FOXP2: variants seen among roughly 807,000 people sequenced by gnomAD.
FOXP2 encodes forkhead box protein P2.
A neutral mutation model predicts 115.8 loss-of-function variants in FOXP2; 12 were observed. The ratio of observed to expected loss-of-function variants is 0.10; its 90% CI spans 0.07 to 0.17. The LOEUF (loss-of-function observed/expected upper bound fraction) is 0.17. FOXP2 is among the 10% of genes least tolerant of loss of function. The probability of loss-of-function intolerance (pLI) is 1.00; values close to 1 mark genes in which losing one functional copy is unlikely to be tolerated. For synonymous variants in FOXP2, 328 were observed against 297.7 expected, an observed-to-expected ratio of 1.10 and a Z score of -1.05; for missense variants, 629 against 843.5, an observed-to-expected ratio of 0.75 and a Z score of 3.15.
At position 114,145,554 on chromosome 7, in the gene FOXP2, C is replaced by G. The variant is rs974330676; in HGVS notation, c.-246-17390C>G. On this transcript the variant is annotated intron_variant, in intron 1 of 19. Transcript: ENST00000635638. ...CCCAAGCTGGAGTGCAGGGTGTGAT[C>G]TCGGCTCACTGCAACCTCCACCTCC... Among the ~76,000 whole-genome samples, 8 of 147,738 alleles carry G rather than the reference C, an allele frequency of 5.4e-5. No individual in the cohort carries two copies. In the Admixed American group the frequency reaches 5.5e-4, roughly 10 times the overall value.
At chr7:114,656,490 A>C (rs881732) in intron 10 of FOXP2, 168,353 of 450,124 alleles carry the variant, frequency 0.37, 34,359 homozygotes, top group Non-Finnish European at 0.46. Flanking sequence ...TGCGTTTCTC[A>C]AACTATGCAG....
intron 2 of FOXP2, among the ~76,000 whole-genome samples, chr7:114,515,544 T>C (rs1285942144): frequency 2.1e-4 from 32 of 152,270 alleles, no homozygotes; most frequent in East Asian, 7.7e-4. Flanking sequence ...TCATGTCCTT[T>C]GCCCACTTTT....
chr7:114,367,069 T>A (rs1399748795), intron 2 of FOXP2, among the ~76,000 whole-genome samples: 1 of 152,194 alleles, frequency 6.6e-6, no homozygotes, highest in African/African-American at 2.4e-5. Flanking sequence ...AATATGTATG[T>A]TTCTGTGTGT....
intron 6 of FOXP2, among the ~76,000 whole-genome samples, chr7:114,634,201 G>A (rs900349358): frequency 5.3e-5 from 8 of 151,994 alleles, no homozygotes; most frequent in Non-Finnish European, 1.2e-4. Flanking sequence ...TCACCATGTT[G>A]ACCAGGCTGG....
At chr7:114,642,779 A>ATAAT (rs1491273950) in intron 7 of FOXP2, among the ~76,000 whole-genome samples, 156 bp downstream of exon 7, 1 of 91,174 alleles carries the variant, frequency 1.1e-5, no homozygotes, top group African/African-American at 4.9e-5. Context: ...TTTTATATAT[A>ATAAT]ATATATATAT....
intron 1 of FOXP2, among the ~76,000 whole-genome samples, chr7:114,285,949 T>G (rs908230419): frequency 1.3e-5 from 2 of 152,056 alleles, no homozygotes; most frequent in African/African-American, 4.8e-5. Flanking sequence ...GCAAAATCAA[T>G]TAATTTTATG....
intron 2 of FOXP2, chr7:114,366,702 G>A (rs1161421246): frequency 1.3e-5 from 2 of 152,146 alleles, no homozygotes; most frequent in African/African-American, 4.8e-5. Flanking sequence ...TCAGTTGATA[G>A]ACTTTTAAGC....
At chr7:114,565,485 T>G (rs1183830709) in intron 3 of FOXP2, among the ~76,000 whole-genome samples, 1 of 152,168 alleles carries the variant, frequency 6.6e-6, no homozygotes, top group African/African-American at 2.4e-5. Context: ...TGCATATCCC[T>G]GGACGCTATA....
intron 3 of FOXP2, among the ~76,000 whole-genome samples, chr7:114,597,012 G>C (rs1802753132): frequency 6.6e-6 from 1 of 151,938 alleles, no homozygotes; most frequent in South Asian, 2.1e-4. Flanking sequence ...AAATAATTCA[G>C]AATTATTATA....
At chr7:114,255,948 G>A (rs1164155033) in intron 1 of FOXP2, among the ~76,000 whole-genome samples, 5 of 152,116 alleles carry the variant, frequency 3.3e-5, no homozygotes, top group African/African-American at 7.2e-5. Flanking sequence ...CCGGTTCTAG[G>A]TCTTTGAGGA....
At chr7:114,245,177 C>T (rs370012641) in intron 1 of FOXP2, among the ~76,000 whole-genome samples, 2 of 152,244 alleles carry the variant, frequency 1.3e-5, no homozygotes, top group African/African-American at 4.8e-5. Context: ...TTTAAGATTT[C>T]TTGCCTTTAT....
intron 4 of FOXP2, 53 bp from the exon 5 acceptor site, chr7:114,629,752 A>G (rs1209134287): frequency 6.2e-7 from 1 of 1,612,130 alleles, no homozygotes; most frequent in Non-Finnish European, 8.5e-7. Flanking sequence ...TAGGAGATTT[A>G]TAATACGTGA....
intron 1 of FOXP2, among the ~76,000 whole-genome samples, chr7:114,234,813 C>G (rs898603327): frequency 3.3e-5 from 5 of 152,092 alleles, no homozygotes; most frequent in African/African-American, 1.2e-4. Context: ...GCTCCTTGAC[C>G]TCTTTTCTCT....
At chr7:114,144,564 G>A (rs904881591) in intron 1 of FOXP2, among the ~76,000 whole-genome samples, 7 of 151,812 alleles carry the variant, frequency 4.6e-5, no homozygotes, top group Non-Finnish European at 1.0e-4. Flanking sequence ...ACCATGTTGA[G>A]TATTATTTTC....
chr7:114,483,930 A>G (rs1584792568), intron 2 of FOXP2, among the ~76,000 whole-genome samples: 1 of 151,762 alleles, frequency 6.6e-6, no homozygotes, highest in African/African-American at 2.4e-5. Flanking sequence ...TTACTGGTCT[A>G]CTTCTTCTAG....
chr7:114,431,550 AT>A (rs1794112336), intron 2 of FOXP2, among the ~76,000 whole-genome samples: 1 of 151,928 alleles, frequency 6.6e-6, no homozygotes, highest in South Asian at 2.1e-4. Flanking sequence ...AACGGCTGGA[AT>A]TTTTATGTTA....
chr7:114,485,384 G>C (rs1412841301), intron 2 of FOXP2, among the ~76,000 whole-genome samples: 1 of 151,848 alleles, frequency 6.6e-6, no homozygotes, highest in Non-Finnish European at 1.5e-5. Context: ...CATAGTTTTA[G>C]AAATACTAAT....
chr7:114,555,532 C>T (rs910659189), intron 3 of FOXP2, among the ~76,000 whole-genome samples: 5 of 152,172 alleles, frequency 3.3e-5, no homozygotes, highest in Non-Finnish European at 7.4e-5. Flanking sequence ...CACAGTGGCT[C>T]ATGCCTGTAA....
At chr7:114,652,150 C>A (rs1477008434) in intron 8 of FOXP2, 53 bp from the exon 9 acceptor site, 8 of 1,530,780 alleles carry the variant, frequency 5.2e-6, no homozygotes, top group Middle Eastern at 1.7e-4. Flanking sequence ...GTAGCCTATG[C>A]CACTAAGATC....
Sources: allele counts gnomAD v4.1 joint callset (sites outside exome capture counted in the v4.1 genomes callset), GRCh38; gene constraint gnomAD v4.1.1; transcripts MANE v1.5; gene names NCBI Gene and HGNC (gene_info 2026-07-23, HGNC 2026-07-21).